The following DIAPH2 variants were observed in gnomAD, a reference collection of about 807,000 sequenced individuals.
DIAPH2 encodes the protein protein diaphanous homolog 2.
Under a neutral mutation model 92.7 loss-of-function variants are expected in DIAPH2, and 35 were observed. The ratio of observed to expected loss-of-function variants is 0.38; its 90% CI spans 0.29 to 0.50. The LOEUF is 0.50. Ranked by LOEUF, DIAPH2 falls within the 20% of genes least tolerant of loss-of-function variation. The pLI is 0.94. For missense variants in DIAPH2, 701 were observed against 819.5 expected (o/e 0.86, Z 1.77); for synonymous variants, 301 against 280.4 (o/e 1.07, Z -0.73).
Position 96,736,159 on chromosome X carries a change from T to C in DIAPH2, c.165+369T>C, listed in dbSNP as rs1184071243. On this transcript the variant is annotated intron_variant, in intron 2 of 26. Transcript: ENST00000324765. ...CCATTAGAAAGGAAATTAAGTTCAC[T>C]GTTAGTCAGATGTGTGCTACTAAAT... 3.6e-5 allele frequency among the ~76,000 whole-genome samples: 4 copies of C among 111,785 alleles called. No homozygotes were observed. The East Asian group carries it at 1.1e-3, about 31-fold the overall frequency.
intron 23 of DIAPH2, among the ~76,000 whole-genome samples, chrX:97,275,418 C>T (rs1224439212): frequency 2.0e-5 from 2 of 102,256 alleles, no homozygotes; most frequent in Admixed American, 1.0e-4. Flanking sequence ...CAGGCGGGGG[C>T]TGCCCCCCCT....
chrX:96,974,311 T>G (rs2065947191), intron 17 of DIAPH2, among the ~76,000 whole-genome samples: 1 of 111,863 alleles, frequency 8.9e-6, no homozygotes, highest in Admixed American at 9.5e-5. Flanking sequence ...ATTTAGTAAT[T>G]TGGTGATTAG....
chrX:96,846,181 C>G (rs2064970748), intron 4 of DIAPH2, among the ~76,000 whole-genome samples: 1 of 100,535 alleles, frequency 9.9e-6, no homozygotes, highest in Non-Finnish European at 2.0e-5. Flanking sequence ...GAGTTTCGCT[C>G]TTGTTGCCCA....
At position 97,129,150 on chromosome X, in the gene DIAPH2, C is replaced by T. The variant is rs868563172; in HGVS notation, c.2590-12515C>T. On this transcript the variant is annotated intron_variant, in intron 21 of 26. Transcript: ENST00000324765. ...TCTTTTCTTTTCTTTTCTTTTCTTT[C>T]TTTTCTTTTCTTTTCTTTCTTTTCT... is the stretch of plus-strand genomic sequence containing the variant. 2.6e-4 allele frequency among the ~76,000 whole-genome samples: 17 copies of T among 66,574 alleles called. No individual in the cohort carries two copies. The South Asian group carries it at 5.7e-3, about 22-fold the overall frequency. The allele number at this position is 66,574 out of a possible 115,157, so 57.8% of individuals were successfully genotyped here. A position where few individuals can be genotyped will look rare whatever the true frequency, so the allele number is the denominator to read the frequency against.
At chrX:97,343,043 C>A (rs1043102212) in intron 23 of DIAPH2, among the ~76,000 whole-genome samples, 1 of 111,645 alleles carries the variant, frequency 9.0e-6, no homozygotes, top group South Asian at 3.7e-4. Flanking sequence ...GGATGGGTAG[C>A]GGACAAATCA....
chrX:96,723,300 T>C (rs2063999815), intron 1 of DIAPH2, among the ~76,000 whole-genome samples: 2 of 111,679 alleles, frequency 1.8e-5, no homozygotes, highest in Admixed American at 9.5e-5. Flanking sequence ...ATAGAAGGAA[T>C]AAATTGCCCC....
intron 4 of DIAPH2, among the ~76,000 whole-genome samples, chrX:96,801,101 TAG>T (rs2064578535): frequency 1.8e-5 from 2 of 112,293 alleles, no homozygotes; most frequent in Non-Finnish European, 3.8e-5. Context: ...TTGAATTATA[TAG>T]CTTAGGCAGC....
chrX:97,546,814 C>T (rs763267065), intron 26 of DIAPH2, among the ~76,000 whole-genome samples: 2 of 108,814 alleles, frequency 1.8e-5, no homozygotes, highest in South Asian at 4.1e-4. Flanking sequence ...CCAGCCTCGG[C>T]GACAGAGTGA....
chrX:97,579,219 T>C (rs1196635498), intron 26 of DIAPH2, among the ~76,000 whole-genome samples: 2 of 111,034 alleles, frequency 1.8e-5, no homozygotes, highest in East Asian at 5.6e-4. Context: ...CCATTGCTTT[T>C]GGTGTTTTAG....
chrX:96,882,977 A>AC (rs1253077437), intron 5 of DIAPH2, among the ~76,000 whole-genome samples: 2 of 48,987 alleles, frequency 4.1e-5, no homozygotes, highest in Non-Finnish European at 1.2e-4. Flanking sequence ...AAAAAAAAAA[A>AC]AAAAAACAAA....
chrX:96,919,313 T>C (rs961255872), intron 9 of DIAPH2, among the ~76,000 whole-genome samples: 1 of 112,266 alleles, frequency 8.9e-6, no homozygotes, highest in African/African-American at 3.2e-5. Context: ...GGTATTGCTA[T>C]AGTATCTTTG....
intron 21 of DIAPH2, among the ~76,000 whole-genome samples, chrX:97,139,948 A>G (rs1054921515): frequency 9.0e-6 from 1 of 110,991 alleles, no homozygotes; most frequent in Non-Finnish European, 1.9e-5. Flanking sequence ...GTTTTATTGT[A>G]AACTATAATG....
intron 23 of DIAPH2, among the ~76,000 whole-genome samples, chrX:97,283,412 G>A (rs909232931): frequency 9.0e-6 from 1 of 111,376 alleles, no homozygotes; most frequent in Admixed American, 9.6e-5. Flanking sequence ...AAGTTTGCAG[G>A]GCTAGAAATC....
intron 26 of DIAPH2, among the ~76,000 whole-genome samples, chrX:97,593,752 C>T (rs1235760734): frequency 1.8e-5 from 2 of 111,243 alleles, no homozygotes; most frequent in Admixed American, 9.6e-5. Flanking sequence ...GTATCCCTAA[C>T]ATGTACCATT....
At chrX:97,246,702 G>C (rs1737019463) in intron 22 of DIAPH2, among the ~76,000 whole-genome samples, 2 of 112,183 alleles carry the variant, frequency 1.8e-5, no homozygotes, top group Admixed American at 9.5e-5. Flanking sequence ...CTCTGCATAA[G>C]ACTAACTTTG....
At chrX:97,178,503 A>C (rs1402185767) in intron 22 of DIAPH2, among the ~76,000 whole-genome samples, 4 of 77,509 alleles carry the variant, frequency 5.2e-5, no homozygotes, top group Admixed American at 4.2e-4. Flanking sequence ...CCCAGGCTGG[A>C]GTGCAGTGGC....
At chrX:97,523,332 A>G (rs1386080334) in intron 26 of DIAPH2, among the ~76,000 whole-genome samples, 1 of 111,609 alleles carries the variant, frequency 9.0e-6, no homozygotes, top group Non-Finnish European at 1.9e-5. Context: ...TTTTCCTAAT[A>G]TATATAGAAA....
chrX:97,523,813 T>C (rs1168388390), intron 26 of DIAPH2, among the ~76,000 whole-genome samples: 2 of 112,040 alleles, frequency 1.8e-5, no homozygotes, highest in Non-Finnish European at 3.8e-5. Context: ...TGTAAGCTAT[T>C]GATAATATAA....
At chrX:97,088,916 C>T (rs1204585098) in intron 19 of DIAPH2, among the ~76,000 whole-genome samples, 3 of 111,193 alleles carry the variant, frequency 2.7e-5, no homozygotes, top group African/African-American at 6.5e-5. Context: ...ATTTTGGGGG[C>T]TTTGGTTCAC....
Sources: gnomAD v4.1 joint callset for allele counts (sites outside exome capture counted in the v4.1 genomes callset) on GRCh38, gnomAD v4.1.1 for gene constraint, MANE v1.5 for transcripts, NCBI Gene and HGNC (gene_info 2026-07-23, HGNC 2026-07-21) for gene names.